Variants in MRPL4 observed in about 807,000 individuals in gnomAD.
The protein encoded by MRPL4 is large ribosomal subunit protein uL4m.
MRPL4 carries 34 observed loss-of-function variants against 34.1 expected under a neutral mutation model. That is an observed-to-expected ratio of 1.00 (90% CI 0.76 to 1.33). The LOEUF (loss-of-function observed/expected upper bound fraction) is 1.33. Among genes scored for constraint, MRPL4 ranks in the 40% most tolerant of loss-of-function variants. The pLI, the probability that MRPL4 is intolerant of heterozygous loss-of-function variation, is 0.00. For missense variants in MRPL4, 402 were observed against 434.6 expected (o/e 0.92, Z 0.67); for synonymous variants, 196 against 188.3 (o/e 1.04, Z -0.33).
At chr19:10,252,136 C>A, upstream of MRPL4, 1 of 1,307,870 alleles carries the variant, frequency 7.6e-7, no homozygotes, top group Non-Finnish European at 1.0e-6. Flanking sequence ...TTGCACACCC[C>A]GCTTTCCAGC....
In MRPL4 at chr19:10,254,853, G is replaced by A. The variant is rs1455799708; in HGVS notation, c.327+213G>A. On this transcript the variant is annotated intron_variant, in intron 4 of 8. Transcript: ENST00000253099. ...GGAGTCTCACTCTGTCACCCAGGCT[G>A]GAGTGCAGTGGCGCAATCTTGGTTC... The A allele has an allele frequency of 1.5e-5, 6 of 397,706 alleles. No homozygotes were observed. The Admixed American group carries it at 2.5e-4, about 16-fold the overall frequency. The allele number at this position is 397,706 out of a possible 1,614,324, so 24.6% of individuals were successfully genotyped here.
chr19:10,252,039 T>A, upstream of MRPL4: 1 of 575,052 alleles, frequency 1.7e-6, no homozygotes, highest in Admixed American at 3.5e-5. Flanking sequence ...CGGAGGGTCC[T>A]TGAGGCAGGA....
At chr19:10,251,996 C>G (rs1442639032), upstream of MRPL4, 8 of 525,080 alleles carry the variant, frequency 1.5e-5, no homozygotes, top group Non-Finnish European at 2.6e-5. Context: ...GAAGCTGGGT[C>G]TTCTTGCTGT....
rs113661042 is a variant in MRPL4 at position 10,258,314 on chromosome 19, G to T, written c.538G>T (p.Val180Phe). Residue 180 changes from valine (V) to phenylalanine (F), a missense_variant, in exon 6 of 9, where the codon GTC becomes TTC. Physicochemically the swap from Val to Phe is conservative, Grantham distance 50. Transcript: ENST00000253099. ...RALGLKVALT[V>F]KLAQDDLHIM... ...GCTGGGTCTCAAAGTGGCACTGACC[G>T]TCAAGCTGGCCCAGGTACAGCCATG... 11 of 1,613,932 alleles carry T rather than the reference G, an allele frequency of 6.8e-6. No individual in the cohort carries two copies. Among genetic ancestry groups the T allele is most frequent in the Non-Finnish European group, 9.3e-6 (11 of 1,180,022 alleles).
rs2039801233 is a variant in MRPL4 at position 10,252,435 on chromosome 19, C to G, written c.96C>G (p.Thr32=). The change falls in exon 2 of 9, where the codon ACC becomes ACG. Residue 32 remains threonine, a synonymous_variant. Transcript: ENST00000253099. ...SSLAEEAARA[T]ENPEQVASEG... is the part of the protein sequence containing the mutation. ...TGGCGGAAGAGGCAGCGCGTGCGACCGAGAACCCGGAGCAGGTGGCGAGCG... is the reference window on the plus strand; with the variant it reads ...TGGCGGAAGAGGCAGCGCGTGCGACGGAGAACCCGGAGCAGGTGGCGAGCG... 2.5e-6 allele frequency: 4 copies of G among 1,614,042 alleles called. No homozygotes were observed. Among genetic ancestry groups the G allele is most frequent in the South Asian group, 1.1e-5 (1 of 91,076 alleles).
chr19:10,253,096 G>A (rs1420993027), intron 3 of MRPL4: 1 of 184,106 alleles, frequency 5.4e-6, no homozygotes, highest in Admixed American at 5.5e-5. Flanking sequence ...GCAAATAAGA[G>A]CACTAAAAAG....
At chr19:10,257,096 C>G (rs1200721469) in intron 5 of MRPL4, among the ~76,000 whole-genome samples, 1 of 152,042 alleles carries the variant, frequency 6.6e-6, no homozygotes, top group East Asian at 1.9e-4. Flanking sequence ...TTGACCCCAC[C>G]TCCTGTCACC....
At chr19:10,253,496 A>AG (rs2039819171) in intron 3 of MRPL4, among the ~76,000 whole-genome samples, 1 of 150,900 alleles carries the variant, frequency 6.6e-6, no homozygotes, top group Non-Finnish European at 1.5e-5. Flanking sequence ...AAAGAAAGAA[A>AG]AGAAAATGTA....
chr19:10,256,396 A>G (rs1432521393), intron 4 of MRPL4, among the ~76,000 whole-genome samples: 2 of 152,042 alleles, frequency 1.3e-5, no homozygotes, highest in African/African-American at 2.4e-5. Flanking sequence ...CAGTGAGCCA[A>G]GGTCACACCA....
At chr19:10,254,560 G>A (rs2039830867) in intron 3 of MRPL4, 29 bp from the exon 4 acceptor site, 3 of 1,612,570 alleles carry the variant, frequency 1.9e-6, no homozygotes, top group South Asian at 2.2e-5. Flanking sequence ...AGCAGAGTTG[G>A]GCTTCTCATG....
chr19:10,256,863 G>C, intron 5 of MRPL4, 38 bp downstream of exon 5: 1 of 1,012,064 alleles, frequency 9.9e-7, no homozygotes, highest in Non-Finnish European at 1.4e-6. Context: ...GAGGGGTGGG[G>C]GGGCCAGGGA....
chr19:10,257,619 A>C (rs1486691989), intron 5 of MRPL4, among the ~76,000 whole-genome samples: 1 of 152,150 alleles, frequency 6.6e-6, no homozygotes. Context: ...TGGTGCTTGC[A>C]GGGGTCTCCC....
chr19:10,253,549 G>A (rs1314444190), intron 3 of MRPL4, among the ~76,000 whole-genome samples: 1 of 151,482 alleles, frequency 6.6e-6, no homozygotes, highest in Non-Finnish European at 1.5e-5. Context: ...CCAGCACATT[G>A]GGAGGCCGAG....
intron 8 of MRPL4, chr19:10,259,098 CAAAAAAAAAAAAA>C (rs35481360): frequency 1.8e-4 from 97 of 539,842 alleles, no homozygotes; most frequent in Admixed American, 3.7e-4. Context: ...ACTCTTGTCT[CAAAAAAAAAAAAA>C]AAAAAAAAAA....
chr19:10,256,866 G>GGGGGGGGGGGGGCC, intron 5 of MRPL4, 41 bp downstream of exon 5: 1 of 378,384 alleles, frequency 2.6e-6, no homozygotes, highest in Non-Finnish European at 5.0e-6. Flanking sequence ...GGGTGGGGGG[G>GGGGGGGGGGGGGCC]CCAGGGAAGG....
rs1346753560 is a variant in MRPL4 at position 10,258,591 on chromosome 19, C to G, written c.663-18C>G. On this transcript the variant is annotated intron_variant, in intron 7 of 8. Transcript: ENST00000253099. The stretch of plus-strand genomic sequence containing the variant: ...GTACTCTGAGGGTTCAACCCCCACT[C>G]CCTGGCCTCTCTTACAGAACACACG... 1 of 1,614,086 alleles carries G rather than the reference C, an allele frequency of 6.2e-7. No individual in the cohort carries two copies. Among genetic ancestry groups the G allele is most frequent in the Non-Finnish European group, 8.5e-7 (1 of 1,180,042 alleles).
intron 5 of MRPL4, among the ~76,000 whole-genome samples, chr19:10,257,125 C>T (rs2039859943): frequency 6.6e-6 from 1 of 152,062 alleles, no homozygotes; most frequent in Non-Finnish European, 1.5e-5. Context: ...ACCCACACTT[C>T]CCACAGCACC....
chr19:10,255,093 C>T (rs1007161733), intron 4 of MRPL4: 21 of 155,480 alleles, frequency 1.4e-4, no homozygotes, highest in Non-Finnish European at 2.0e-4. Context: ...CGTGAGCCAC[C>T]GTGCCCAGCT....
chr19:10,254,890 C>A, intron 4 of MRPL4: 1 of 296,480 alleles, frequency 3.4e-6, no homozygotes. Flanking sequence ...CTGCAACCTC[C>A]GCTTCCTGGG....
Sources: gnomAD v4.1 joint callset for allele counts (sites outside exome capture counted in the v4.1 genomes callset) on GRCh38, gnomAD v4.1.1 for gene constraint, MANE v1.5 for transcripts, NCBI Gene and HGNC (gene_info 2026-07-23, HGNC 2026-07-21) for gene names.